MSRB3: variants seen among roughly 807,000 people sequenced by gnomAD.
MSRB3 encodes methionine sulfoxide reductase B3, also known as methionine-R-sulfoxide reductase B3.
In MSRB3, 13 loss-of-function variants were observed where a neutral mutation model predicts 21.0. That is an observed-to-expected ratio of 0.62 (90% CI 0.40 to 0.98). MSRB3 has a LOEUF of 0.98. Among genes scored for constraint, MSRB3 ranks in the 50% least tolerant of loss-of-function variants. The pLI is 0.00. For synonymous variants in MSRB3, 87 were observed against 88.6 expected (o/e 0.98, Z 0.10); for missense variants, 199 against 230.3 (o/e 0.86, Z 0.88).
chr12:65,295,000 T>TA (rs1259868351), intron 1 of MSRB3, among the ~76,000 whole-genome samples: 2 of 152,162 alleles, frequency 1.3e-5, no homozygotes, highest in East Asian at 1.9e-4. Flanking sequence ...GTTACTTTTT[T>TA]AAAAAAATTA....
At chr12:65,297,979 T>C (rs548506631) in intron 1 of MSRB3, among the ~76,000 whole-genome samples, 8 of 152,064 alleles carry the variant, frequency 5.3e-5, no homozygotes, top group Non-Finnish European at 1.2e-4. Context: ...GTTTGAGATT[T>C]TAGTGCCTGG....
At chr12:65,445,557 C>T (rs974383713) in intron 5 of MSRB3, among the ~76,000 whole-genome samples, 2 of 151,246 alleles carry the variant, frequency 1.3e-5, no homozygotes, top group Admixed American at 1.3e-4. Flanking sequence ...ATTTTATTTG[C>T]ATTTTTATCT....
At chr12:65,444,767 G>C (rs569235957) in intron 5 of MSRB3, among the ~76,000 whole-genome samples, 1 of 152,278 alleles carries the variant, frequency 6.6e-6, no homozygotes, top group East Asian at 1.9e-4. Flanking sequence ...TGTGACTGCT[G>C]TCTGTCCTCC....
intron 5 of MSRB3, among the ~76,000 whole-genome samples, chr12:65,378,616 G>T (rs1042004572): frequency 3.3e-5 from 5 of 152,204 alleles, no homozygotes; most frequent in African/African-American, 4.8e-5. Flanking sequence ...TAAAAAGGTT[G>T]CTGGCCACAC....
At chr12:65,318,441 AT>A (rs1201485270) in intron 2 of MSRB3, among the ~76,000 whole-genome samples, 1 of 151,962 alleles carries the variant, frequency 6.6e-6, no homozygotes, top group Admixed American at 6.6e-5. Flanking sequence ...AGAGCGAGCT[AT>A]TTTTTGCAGA....
At chr12:65,362,901 G>A (rs1244185535) in intron 4 of MSRB3, among the ~76,000 whole-genome samples, 1 of 152,100 alleles carries the variant, frequency 6.6e-6, no homozygotes, top group Admixed American at 6.6e-5. Flanking sequence ...TACTTCTAGG[G>A]GTAGAAGAAA....
intron 5 of MSRB3, among the ~76,000 whole-genome samples, chr12:65,400,171 G>A (rs1295137841): frequency 6.6e-6 from 1 of 151,916 alleles, no homozygotes; most frequent in Non-Finnish European, 1.5e-5. Context: ...AGTTTCAGAA[G>A]GAATGGTACT....
intron 1 of MSRB3, among the ~76,000 whole-genome samples, chr12:65,289,655 C>A (rs544101665): frequency 6.6e-6 from 1 of 152,206 alleles, no homozygotes; most frequent in South Asian, 2.1e-4. Flanking sequence ...AATTTTGTCA[C>A]CCAGGTAATC....
intron 5 of MSRB3, among the ~76,000 whole-genome samples, chr12:65,394,212 C>T (rs905019421): frequency 1.4e-5 from 2 of 146,716 alleles, no homozygotes; most frequent in African/African-American, 5.5e-5. Context: ...TTATTCAAAA[C>T]ATTTTTGCTT....
intron 5 of MSRB3, among the ~76,000 whole-genome samples, chr12:65,450,839 G>GATATTTCCTAAATT (rs1882822934): frequency 6.6e-6 from 1 of 152,160 alleles, no homozygotes; most frequent in African/African-American, 2.4e-5. Flanking sequence ...CAGCAGTGAA[G>GATATTTCCTAAATT]AGTTCCTTCT....
At chr12:65,343,011 GTATT>G (rs1453278956) in intron 4 of MSRB3, among the ~76,000 whole-genome samples, 3 of 151,950 alleles carry the variant, frequency 2.0e-5, no homozygotes, top group African/African-American at 7.2e-5. Context: ...AAATTAGCAA[GTATT>G]TATAGGGTAT....
intron 1 of MSRB3, among the ~76,000 whole-genome samples, chr12:65,298,471 T>C (rs1352745281): frequency 6.6e-6 from 1 of 152,202 alleles, no homozygotes; most frequent in Non-Finnish European, 1.5e-5. Context: ...AGAAAAACAG[T>C]ATAGGACAAA....
At chr12:65,396,703 AAAAAGAAAGAAAGAAAG>A (rs1879816200) in intron 5 of MSRB3, among the ~76,000 whole-genome samples, 1 of 27,730 alleles carries the variant, frequency 3.6e-5, no homozygotes. Flanking sequence ...AAAAAAAAAA[AAAAAGAAAGAAAGAAAG>A]AAAGAAAGAA....
chr12:65,422,430 ATTTATTT>A (rs1438910126), intron 5 of MSRB3, among the ~76,000 whole-genome samples: 2 of 87,956 alleles, frequency 2.3e-5, no homozygotes, highest in Non-Finnish European at 4.3e-5. Context: ...ATATATATAT[ATTTATTT>A]ATTTATTTAT....
chr12:65,425,240 T>C (rs1377213487), intron 5 of MSRB3, among the ~76,000 whole-genome samples: 1 of 148,344 alleles, frequency 6.7e-6, no homozygotes, highest in East Asian at 2.0e-4. Context: ...TTAATTTATA[T>C]GTGTCCTTAT....
At chr12:65,350,035 G>T (rs2136491812) in intron 4 of MSRB3, among the ~76,000 whole-genome samples, 1 of 151,994 alleles carries the variant, frequency 6.6e-6, no homozygotes, top group East Asian at 1.9e-4. Context: ...GGGTTTTTAT[G>T]GTTTTAGGTC....
At chr12:65,443,250 C>G (rs941908238) in intron 5 of MSRB3, among the ~76,000 whole-genome samples, 1 of 152,040 alleles carries the variant, frequency 6.6e-6, no homozygotes, top group African/African-American at 2.4e-5. Flanking sequence ...TCACAGTGCC[C>G]AAGGACACCT....
At chr12:65,311,139 T>G (rs1041464027) in intron 2 of MSRB3, among the ~76,000 whole-genome samples, 5 of 152,164 alleles carry the variant, frequency 3.3e-5, no homozygotes, top group African/African-American at 1.2e-4. Context: ...CACTTTATGT[T>G]TGAGGAATAA....
At position 65,353,278 on chromosome 12, in the gene MSRB3, C is replaced by T. The variant is rs1877152899; in HGVS notation, c.264-15720C>T. Reference sequence around the variant, plus strand: ...GAGCTGAGTTCAGTTCCTGGATATCCTTGTTAACTTTCTATCTCGTTGATC... The same window carrying T: ...GAGCTGAGTTCAGTTCCTGGATATCTTTGTTAACTTTCTATCTCGTTGATC... On this transcript the variant is annotated intron_variant, in intron 4 of 6. Transcript: ENST00000308259. Among the ~76,000 whole-genome samples, 4 of 152,068 alleles carry T rather than the reference C, an allele frequency of 2.6e-5. No homozygotes were observed. In the South Asian group the frequency reaches 6.2e-4, roughly 24 times the overall value.
Sources: gnomAD v4.1 joint callset for allele counts (sites outside exome capture counted in the v4.1 genomes callset) on GRCh38, gnomAD v4.1.1 for gene constraint, MANE v1.5 for transcripts, NCBI Gene and HGNC (gene_info 2026-07-23, HGNC 2026-07-21) for gene names.